Variants in VPS13A observed in about 807,000 individuals in gnomAD.
VPS13A encodes the protein intermembrane lipid transfer protein VPS13A.
Under a neutral mutation model 390.9 loss-of-function variants are expected in VPS13A, and 264 were observed. That is an observed-to-expected ratio of 0.68 (90% CI 0.61 to 0.75). The LOEUF is 0.75. Among genes scored for constraint, VPS13A ranks in the 30% least tolerant of loss-of-function variants. VPS13A has a pLI of 0.00. For synonymous variants in VPS13A, 1,231 were observed against 1,227.1 expected, an observed-to-expected ratio of 1.00 and a Z score of -0.07; for missense variants, 3,409 against 3,733.9, an observed-to-expected ratio of 0.91 and a Z score of 2.27.
At chr9:77,404,422 G>A (rs996224969) in intron 69 of VPS13A, among the ~76,000 whole-genome samples, 13 of 152,138 alleles carry the variant, frequency 8.5e-5, no homozygotes, top group African/African-American at 3.1e-4. Flanking sequence ...ATTTATTTAG[G>A]AGTATGTACG....
rs753196553 is a variant in VPS13A at position 77,365,559 on chromosome 9, A to G, written c.8311A>G (p.Ile2771Val). The change falls in exon 60 of 72, where the codon ATA becomes GTA. Residue 2771 changes from isoleucine (I) to valine (V), a missense_variant. Ile to Val is a conservative substitution (Grantham distance 29). Around this residue, in one of 5 missense-constraint regions of VPS13A, gnomAD observed 123 missense variants for 118.7 expected, o/e 1.04. Coordinates refer to ENST00000360280, the MANE Select transcript of VPS13A (RefSeq NM_033305.3). ...AGTCAGCCTCTATGAATATTTTCAT[A>G]TATCTCCTATCAAGGTAGGAGAAAG... The part of the protein sequence containing the change: ...SQVSLYEYFH[I>V]SPIKLHLSVS... The G allele has an allele frequency of 5.0e-5, 81 of 1,605,370 alleles. No homozygotes were observed. Among genetic ancestry groups the G allele is most frequent in the East Asian group, 2.2e-5 (1 of 44,676 alleles).
intron 68 of VPS13A, among the ~76,000 whole-genome samples, chr9:77,386,473 C>G (rs1833686265): frequency 6.9e-6 from 1 of 144,908 alleles, no homozygotes; most frequent in Non-Finnish European, 1.5e-5. Context: ...TGATCTTAAC[C>G]TTTCATTCCT....
chr9:77,362,228 C>A (rs1333118176), intron 59 of VPS13A, among the ~76,000 whole-genome samples: 1 of 152,050 alleles, frequency 6.6e-6, no homozygotes, highest in East Asian at 1.9e-4. Flanking sequence ...GAATCCTTAG[C>A]CAAATCCAAG....
intron 22 of VPS13A, 145 bp downstream of exon 22, chr9:77,252,497 A>C: frequency 1.3e-6 from 1 of 793,418 alleles, no homozygotes; most frequent in Non-Finnish European, 2.2e-6. Flanking sequence ...AAATGTATAT[A>C]AAATTTACCA....
chr9:77,382,288 A>G, intron 68 of VPS13A: 1 of 1,528,422 alleles, frequency 6.5e-7, no homozygotes, highest in East Asian at 2.4e-5. Flanking sequence ...GGCATCAAAA[A>G]GTTTGATATG....
intron 68 of VPS13A, among the ~76,000 whole-genome samples, chr9:77,391,931 T>C (rs1470041764): frequency 6.6e-6 from 1 of 152,224 alleles, no homozygotes; most frequent in East Asian, 1.9e-4. Flanking sequence ...TCAGACACTC[T>C]TGTAGATAGT....
chr9:77,322,265 T>A (rs1392032954), intron 44 of VPS13A, among the ~76,000 whole-genome samples: 1 of 151,796 alleles, frequency 6.6e-6, no homozygotes, highest in Non-Finnish European at 1.5e-5. Flanking sequence ...TTCCCAAAAG[T>A]TTTTCATTTT....
rs114426318 is a variant in VPS13A, at chr9:77,220,457, A to G, written c.989+74A>G. ...AAAAATAAATTTCTCGACTTCAAGA[A>G]TAATCTTTAAGATATACCATTTTTA... is the stretch of plus-strand genomic sequence containing the variant. On this transcript the variant is annotated intron_variant, in intron 12 of 71. Transcript: ENST00000360280. 3.7e-3 allele frequency: 3,834 copies of G among 1,049,352 alleles called. 26 individuals carry two copies. The highest frequency in any genetic ancestry group is 0.024 in the Middle Eastern group (85 of 3,544). The allele number at this position is 1,049,352 out of a possible 1,614,324, so 65.0% of individuals were successfully genotyped here. A position where few individuals can be genotyped will look rare whatever the true frequency, so the allele number is the denominator to read the frequency against.
intron 1 of VPS13A, among the ~76,000 whole-genome samples, chr9:77,187,100 A>G (rs1824385089): frequency 6.6e-6 from 1 of 152,184 alleles, no homozygotes; most frequent in Admixed American, 6.5e-5. Flanking sequence ...CATTGTATGT[A>G]TATACTGCAT....
intron 23 of VPS13A, among the ~76,000 whole-genome samples, chr9:77,261,463 ATATATATGTGTG>A (rs2131296891): frequency 6.6e-6 from 1 of 151,926 alleles, no homozygotes; most frequent in African/African-American, 2.4e-5. Context: ...ATATATATAC[ATATATATGTGTG>A]TATATATATA....
At chr9:77,321,858 G>A in intron 44 of VPS13A, 112 bp downstream of exon 44, 2 of 1,342,056 alleles carry the variant, frequency 1.5e-6, no homozygotes, top group Non-Finnish European at 2.0e-6. Flanking sequence ...TTTTGTTTTT[G>A]TTTTTTTAAA....
rs575925163 is a variant in VPS13A, at chr9:77,343,934, C to T, written c.7027-219C>T. Reference sequence around the variant, plus strand: ...CAGCAGTTCACTTACCATAGCTCTTCAATTTGCTATCCACTGCTTCTTGAA... The same window carrying T: ...CAGCAGTTCACTTACCATAGCTCTTTAATTTGCTATCCACTGCTTCTTGAA... On this transcript the variant is annotated intron_variant, in intron 50 of 71. Transcript: ENST00000360280. Among the ~76,000 whole-genome samples, 4 of 152,282 alleles carry T rather than the reference C, an allele frequency of 2.6e-5. No individual in the cohort carries two copies. In the East Asian group the frequency reaches 7.7e-4, roughly 29 times the overall value.
intron 1 of VPS13A, among the ~76,000 whole-genome samples, chr9:77,189,979 T>G (rs922711241): frequency 2.0e-5 from 3 of 152,188 alleles, no homozygotes; most frequent in African/African-American, 7.2e-5. Flanking sequence ...TTGAAGTTAT[T>G]AGTTCTAGGA....
In VPS13A at chr9:77,283,537, G is replaced by A. The variant is rs1211662387; in HGVS notation, c.3236-10G>A. The stretch of plus-strand genomic sequence containing the variant: ...TGAAAGAAAAGGCAGTCATTCTTTT[G>A]TTCCCTTAGGGCTTGATTCTGAGAT... On this transcript the variant is annotated splice_polypyrimidine_tract_variant and intron_variant, in intron 30 of 71. Transcript: ENST00000360280. The A allele has an allele frequency of 6.2e-7, 1 of 1,612,384 alleles. No homozygotes were observed. The highest frequency in any genetic ancestry group is 1.3e-5 in the African/African-American group (1 of 74,844).
chr9:77,273,338 T>G lies in VPS13A; in HGVS notation c.2486T>G (p.Leu829Trp), dbSNP rs765888386. The G allele has an allele frequency of 6.2e-7, 1 of 1,611,354 alleles. No individual in the cohort carries two copies. Residue 829 changes from leucine (L) to tryptophan (W), a missense_variant, in exon 24 of 72, where the codon TTG becomes TGG. Coordinates refer to ENST00000360280, the MANE Select transcript of VPS13A (RefSeq NM_033305.3). Reference sequence around the variant, plus strand: ...ATTTCACAGAAAATAATTCCTCTCTTGGAACTTCCATCTGTTTCTGAAGAT... The same window carrying G: ...ATTTCACAGAAAATAATTCCTCTCTGGGAACTTCCATCTGTTTCTGAAGAT... ...SQISQKIIPL[L>W]ELPSVSEDDS... is the part of the protein sequence containing the mutation.
intron 19 of VPS13A, 141 bp downstream of exon 19, chr9:77,238,527 G>T (rs1824282826): frequency 1.4e-6 from 1 of 727,400 alleles, no homozygotes; most frequent in Admixed American, 2.4e-5. Context: ...AACTAATTTA[G>T]TACTTTTATG....
intron 45 of VPS13A, 35 bp downstream of exon 45, chr9:77,323,262 A>G (rs2131455147): frequency 1.2e-6 from 2 of 1,608,260 alleles, no homozygotes; most frequent in South Asian, 1.1e-5. Context: ...ATGTCCTGTT[A>G]TGCATATCTG....
intron 52 of VPS13A, among the ~76,000 whole-genome samples, chr9:77,347,744 C>G (rs1831233315): frequency 6.6e-6 from 1 of 152,076 alleles, no homozygotes; most frequent in Non-Finnish European, 1.5e-5. Context: ...GAAATATAAT[C>G]ATATCTCTCT....
chr9:77,399,188 A>AT lies in VPS13A; in HGVS notation c.9190-4048_9190-4047insT, dbSNP rs1563990842. ...ATAATAAAAAAAAAAAAATAAAAAA[A>AT]AAAAAAAAAAAAAAAAACAAAGGAT... On this transcript the variant is annotated intron_variant, in intron 68 of 71. Transcript: ENST00000360280. 1.5e-3 allele frequency among the ~76,000 whole-genome samples: 202 copies of AT among 137,512 alleles called. 1 individual carries two copies. The highest frequency in any genetic ancestry group is 7.8e-3 in the South Asian group (33 of 4,238). The allele number at this position is 137,512 out of a possible 152,430, so 90.2% of individuals were successfully genotyped here.
Sources: gnomAD v4.1 joint callset for allele counts (sites outside exome capture counted in the v4.1 genomes callset) on GRCh38, gnomAD v4.1.1 for gene constraint, gnomAD v4.1.1 regional missense constraint, MANE v1.5 for transcripts, NCBI Gene and HGNC (gene_info 2026-07-23, HGNC 2026-07-21) for gene names.